Variants in NTM observed in about 807,000 individuals in gnomAD.
The protein encoded by NTM is IgLON family member 2.
A neutral mutation model predicts 42.1 loss-of-function variants in NTM; 13 were observed. The observed-to-expected ratio is 0.31, with a 90% CI of 0.20 to 0.49. NTM has a LOEUF of 0.49. Ranked by LOEUF, NTM falls within the 20% of genes least tolerant of loss-of-function variation. NTM has a pLI of 0.99. For synonymous variants in NTM, 187 were observed against 179.2 expected (o/e 1.04, Z -0.35); for missense variants, 373 against 452.8 (o/e 0.82, Z 1.60).
chr11:132,215,915 C>A (rs1005010780), intron 4 of NTM, among the ~76,000 whole-genome samples: 1 of 152,130 alleles, frequency 6.6e-6, no homozygotes, highest in African/African-American at 2.4e-5. Flanking sequence ...GCTTATTGAC[C>A]CCAAGCCGGA....
chr11:131,920,764 A>T lies in NTM; in HGVS notation c.167+9116A>T, dbSNP rs528212310. The stretch of plus-strand genomic sequence containing the variant: ...GCTGATGGATTTCTTAAAATAATAG[A>T]ATTTTTAATGAAAACAGCATCAACC... On this transcript the variant is annotated intron_variant, in intron 2 of 8. Coordinates refer to ENST00000683400, the MANE Select transcript of NTM (RefSeq NM_001352005.2). 1.2e-4 allele frequency among the ~76,000 whole-genome samples: 19 copies of T among 152,326 alleles called. No individual in the cohort carries two copies. In the South Asian group the frequency reaches 3.9e-3, roughly 32 times the overall value.
chr11:132,209,241 T>C (rs926428482), intron 3 of NTM, among the ~76,000 whole-genome samples: 4 of 152,244 alleles, frequency 2.6e-5, no homozygotes, highest in African/African-American at 9.6e-5. Context: ...CCTGGAAGGC[T>C]CCATGTAGCT....
intron 3 of NTM, among the ~76,000 whole-genome samples, chr11:132,156,043 T>A (rs2073120320): frequency 6.6e-6 from 1 of 152,080 alleles, no homozygotes; most frequent in Non-Finnish European, 1.5e-5. Flanking sequence ...GCGTTTCAGC[T>A]CCCGACTGTT....
chr11:131,802,693 C>A (rs1221377038), intron 1 of NTM, among the ~76,000 whole-genome samples: 1 of 152,204 alleles, frequency 6.6e-6, no homozygotes, highest in Non-Finnish European at 1.5e-5. Flanking sequence ...AGCTGTGGCT[C>A]CTTTCTCGTG....
chr11:131,989,889 A>G lies in NTM; in HGVS notation c.167+78241A>G, dbSNP rs370554378. Among the ~76,000 whole-genome samples, 20 of 152,226 alleles carry G rather than the reference A, an allele frequency of 1.3e-4. 1 individual carries two copies. Among genetic ancestry groups the G allele is most frequent in the African/African-American group, 3.4e-4 (14 of 41,544 alleles). ...CTTTTGTTTTGTAGTAATACGTGAG[A>G]TTTCTATTCCTTTTTCATTGGCTCA... On this transcript the variant is annotated intron_variant, in intron 2 of 8. Transcript: ENST00000683400.
chr11:132,277,136 C>G (rs1278373390), intron 4 of NTM, among the ~76,000 whole-genome samples: 1 of 151,986 alleles, frequency 6.6e-6, no homozygotes, highest in Non-Finnish European at 1.5e-5. Context: ...ATCTGTAATC[C>G]CTTTTATTAC....
At chr11:132,035,076 A>T (rs1168731557) in intron 2 of NTM, among the ~76,000 whole-genome samples, 2 of 152,214 alleles carry the variant, frequency 1.3e-5, no homozygotes, top group African/African-American at 4.8e-5. Context: ...TGCTTTGAGT[A>T]ACTGAGAGGA....
chr11:132,221,559 T>C (rs2085166049), intron 4 of NTM, among the ~76,000 whole-genome samples: 1 of 151,822 alleles, frequency 6.6e-6, no homozygotes, highest in East Asian at 1.9e-4. Context: ...CTCTGGACCA[T>C]TGCATCAACC....
intron 2 of NTM, among the ~76,000 whole-genome samples, chr11:132,077,618 G>A (rs1425163696): frequency 6.6e-6 from 1 of 152,194 alleles, no homozygotes; most frequent in African/African-American, 2.4e-5. Flanking sequence ...CTGTCTGACT[G>A]ATAAGGGGCA....
At chr11:131,461,329 A>G (rs185728334) in intron 1 of NTM, among the ~76,000 whole-genome samples, 60 of 152,372 alleles carry the variant, frequency 3.9e-4, no homozygotes, top group African/African-American at 1.4e-3. Context: ...TCAGAAAAGC[A>G]TCTCATGAAT....
At chr11:131,736,929 C>T (rs1591514382) in intron 1 of NTM, among the ~76,000 whole-genome samples, 1 of 152,202 alleles carries the variant, frequency 6.6e-6, no homozygotes, top group East Asian at 1.9e-4. Flanking sequence ...TAAAACATGC[C>T]ATCCTTAATG....
intron 3 of NTM, among the ~76,000 whole-genome samples, chr11:132,164,167 C>G (rs992689540): frequency 6.6e-6 from 1 of 152,112 alleles, no homozygotes; most frequent in Non-Finnish European, 1.5e-5. Context: ...ACTGAGACAC[C>G]AAATGGGTTG....
At chr11:132,259,406 GC>G (rs1159295252) in intron 4 of NTM, among the ~76,000 whole-genome samples, 1 of 152,116 alleles carries the variant, frequency 6.6e-6, no homozygotes, top group Non-Finnish European at 1.5e-5. Flanking sequence ...TTTAGGCCAG[GC>G]TTGGTGGCTC....
intron 2 of NTM, among the ~76,000 whole-genome samples, chr11:132,026,774 C>T (rs2075242920): frequency 6.6e-6 from 1 of 152,160 alleles, no homozygotes; most frequent in African/African-American, 2.4e-5. Context: ...AATTGTTTCT[C>T]TCTTCTCACT....
At chr11:131,707,876 G>A (rs1471133531) in intron 1 of NTM, among the ~76,000 whole-genome samples, 2 of 152,064 alleles carry the variant, frequency 1.3e-5, no homozygotes, top group African/African-American at 4.8e-5. Flanking sequence ...GATGCCCACT[G>A]CCACCACTTC....
At chr11:131,834,208 G>A (rs368083198) in intron 1 of NTM, among the ~76,000 whole-genome samples, 20 of 152,240 alleles carry the variant, frequency 1.3e-4, no homozygotes, top group African/African-American at 3.6e-4. Flanking sequence ...CCACACTCAC[G>A]TGCCTTGAGC....
chr11:131,789,636 A>AGAAGAGGAAG (rs1555127949), intron 1 of NTM, among the ~76,000 whole-genome samples: 1 of 30,900 alleles, frequency 3.2e-5, no homozygotes, highest in African/African-American at 1.2e-4. Context: ...AAGAAGAAGA[A>AGAAGAGGAAG]AAGAAGAAGA....
Position 131,947,940 on chromosome 11 carries a change from A to G in NTM, c.167+36292A>G, listed in dbSNP as rs189114124. Among the ~76,000 whole-genome samples the G allele has an allele frequency of 2.6e-5, 4 of 152,334 alleles. No individual in the cohort carries two copies. The East Asian group carries it at 5.8e-4, about 22-fold the overall frequency. The stretch of plus-strand genomic sequence containing the variant: ...CACACAATAACCATTGGCTGCTATG[A>G]GTAGTACTTATTATTAGTAGTAGTA... On this transcript the variant is annotated intron_variant, in intron 2 of 8. Coordinates refer to ENST00000683400, the MANE Select transcript of NTM (RefSeq NM_001352005.2).
intron 2 of NTM, among the ~76,000 whole-genome samples, chr11:131,917,124 C>T (rs544753897): frequency 6.6e-6 from 1 of 152,300 alleles, no homozygotes; most frequent in East Asian, 1.9e-4. Flanking sequence ...GGTTGTCTTC[C>T]CCAAAGGGAC....
Sources: allele counts gnomAD v4.1 joint callset (sites outside exome capture counted in the v4.1 genomes callset), GRCh38; gene constraint gnomAD v4.1.1; transcripts MANE v1.5; gene names NCBI Gene and HGNC (gene_info 2026-07-23, HGNC 2026-07-21).